Variants in C4orf36 observed in about 807,000 individuals in gnomAD.
C4orf36 encodes chromosome 4 open reading frame 36.
A neutral mutation model predicts 12.2 loss-of-function variants in C4orf36; 11 were observed. That is an observed-to-expected ratio of 0.90 (90% confidence interval 0.57 to 1.49). The LOEUF (loss-of-function observed/expected upper bound fraction) is 1.49. Ranked by LOEUF, C4orf36 falls within the 40% of genes most tolerant of loss-of-function variation. The pLI is 0.00. For missense variants in C4orf36, 137 were observed against 133.9 expected (o/e 1.02, Z -0.11); for synonymous variants, 54 against 51.3 (o/e 1.05, Z -0.22).
At chr4:86,902,289 T>A in the C4orf36 span, among the ~76,000 whole-genome samples, 2 of 151,558 alleles carry the variant, frequency 1.3e-5, no homozygotes, top group African/African-American at 4.8e-5. Context: ...CTGGGCATGG[T>A]GGTATGCACC....
the C4orf36 span, chr4:86,935,270 G>A: frequency 3.3e-5 from 5 of 152,474 alleles, no homozygotes; most frequent in East Asian, 1.9e-4. Context: ...ACCCAGGGCT[G>A]GGGGTCGATC....
the C4orf36 span, chr4:86,936,141 T>A: frequency 6.6e-6 from 1 of 152,052 alleles, no homozygotes; most frequent in Non-Finnish European, 1.5e-5. Flanking sequence ...GCTTTGGAGG[T>A]GGAGATGTGT....
the C4orf36 span, chr4:86,934,984 C>T: frequency 1.3e-5 from 2 of 151,898 alleles, no homozygotes; most frequent in Non-Finnish European, 1.5e-5. Flanking sequence ...TCGGGGCGTC[C>T]CGGGCAGCCG....
the C4orf36 span, chr4:86,914,305 T>TGG: frequency 1.3e-6 from 2 of 1,599,234 alleles, no homozygotes. Context: ...CGGTCGCTCT[T>TGG]GGGAGCCCAG....
chr4:86,911,006 C>T, the C4orf36 span, among the ~76,000 whole-genome samples: 1 of 152,140 alleles, frequency 6.6e-6, no homozygotes, highest in Non-Finnish European at 1.5e-5. Context: ...TTGCTTGAAC[C>T]TGGGAGGCAG....
At chr4:86,926,422 A>G in the C4orf36 span, 6 of 152,228 alleles carry the variant, frequency 3.9e-5, no homozygotes, top group Non-Finnish European at 7.3e-5. Flanking sequence ...TGTAAAAAGC[A>G]TGCAATTTAT....
the C4orf36 span, chr4:86,914,094 A>G: frequency 6.2e-7 from 1 of 1,607,966 alleles, no homozygotes; most frequent in South Asian, 1.1e-5. Flanking sequence ...GTGCTTGCTC[A>G]CCCACCAGTC....
chr4:86,930,845 C>T, the C4orf36 span, among the ~76,000 whole-genome samples: 2 of 152,188 alleles, frequency 1.3e-5, no homozygotes, highest in Admixed American at 1.3e-4. Flanking sequence ...TCACAAAATA[C>T]AGACAGTTAT....
the C4orf36 span, among the ~76,000 whole-genome samples, chr4:86,917,555 AAG>A: frequency 0.42 from 60,270 of 144,982 alleles, 13,577 homozygotes; most frequent in Middle Eastern, 0.58. Context: ...GTAAGGAAGG[AAG>A]AGAGAGTGAG....
chr4:86,934,010 A>G, the C4orf36 span, among the ~76,000 whole-genome samples: 2 of 152,272 alleles, frequency 1.3e-5, no homozygotes, highest in Admixed American at 6.5e-5. Flanking sequence ...GGACAATAAA[A>G]GAGTTGAGCA....
the C4orf36 span, among the ~76,000 whole-genome samples, chr4:86,908,242 A>G: frequency 6.6e-6 from 1 of 151,148 alleles, no homozygotes; most frequent in East Asian, 1.9e-4. Flanking sequence ...GGATGAGCAT[A>G]TATGTGTGTT....
the C4orf36 span, among the ~76,000 whole-genome samples, chr4:86,905,966 C>CTT: frequency 1.3e-5 from 2 of 152,158 alleles, no homozygotes; most frequent in Non-Finnish European, 2.9e-5. Context: ...AGTTATCCAC[C>CTT]TACCTTGGCT....
At chr4:86,919,121 AGAGAG>A in the C4orf36 span, among the ~76,000 whole-genome samples, 1 of 39,802 alleles carries the variant, frequency 2.5e-5, no homozygotes, top group Non-Finnish European at 7.3e-5. Context: ...CAGCTCCAGG[AGAGAG>A]AGAGAGAGAG....
upstream of C4orf36, among the ~76,000 whole-genome samples, chr4:86,897,404 A>C (rs1747618484): frequency 6.6e-6 from 1 of 152,044 alleles, no homozygotes; most frequent in African/African-American, 2.4e-5. Flanking sequence ...TATAAAAGTG[A>C]CTTGTTTATG....
intron 1 of C4orf36, 164 bp downstream of exon 1, chr4:86,892,019 C>T: frequency 1.0e-6 from 1 of 986,600 alleles, no homozygotes; most frequent in Non-Finnish European, 1.2e-6. Context: ...AGCACCACTC[C>T]CGCGTCCCCG....
the C4orf36 span, among the ~76,000 whole-genome samples, chr4:86,901,204 C>T: frequency 0.03 from 4,504 of 151,670 alleles, 243 homozygotes; most frequent in African/African-American, 0.1. Context: ...AGGCTGGTCT[C>T]GAACTGACTT....
intron 4 of C4orf36, among the ~76,000 whole-genome samples, chr4:86,877,203 A>G (rs1294288207): frequency 6.6e-6 from 1 of 152,240 alleles, no homozygotes; most frequent in African/African-American, 2.4e-5. Flanking sequence ...AAGAAATGAA[A>G]ACACACTAAA....
At chr4:86,884,321 T>C (rs1288649843) in intron 4 of C4orf36, among the ~76,000 whole-genome samples, 1 of 92,798 alleles carries the variant, frequency 1.1e-5, no homozygotes, top group East Asian at 3.8e-4. Flanking sequence ...TTTTTTTTTT[T>C]TGAGACACGT....
At chr4:86,886,681 C>T (rs981476158) in intron 4 of C4orf36, 1 of 152,136 alleles carries the variant, frequency 6.6e-6, no homozygotes, top group South Asian at 2.1e-4. Context: ...TAAACTAGTT[C>T]AACCATTGTG....
Sources: gnomAD v4.1 joint callset for allele counts (sites outside exome capture counted in the v4.1 genomes callset) on GRCh38, gnomAD v4.1.1 for gene constraint, MANE v1.5 for transcripts, NCBI Gene and HGNC (gene_info 2026-07-23, HGNC 2026-07-21) for gene names.